The following UNC79 variants were observed in gnomAD, a reference collection of about 807,000 sequenced individuals.
UNC79 encodes the protein unc-79 subunit of NALCN channel complex, also known as protein unc-79 homolog.
In UNC79, 37 loss-of-function variants were observed where a neutral mutation model predicts 283.1. The ratio of observed to expected loss-of-function variants is 0.13; its 90% CI spans 0.10 to 0.17. The LOEUF is 0.17. Ranked by LOEUF, UNC79 falls within the 10% of genes least tolerant of loss-of-function variation. The pLI is 1.00. For missense variants in UNC79, 2,272 were observed against 3,211.1 expected, an observed-to-expected ratio of 0.71 and a Z score of 7.07; for synonymous variants, 1,107 against 1,200.2, an observed-to-expected ratio of 0.92 and a Z score of 1.61.
chr14:93,518,277 A>G (rs2060163978), intron 7 of UNC79, among the ~76,000 whole-genome samples: 1 of 151,866 alleles, frequency 6.6e-6, no homozygotes, highest in East Asian at 1.9e-4. Flanking sequence ...TGTAATTTTA[A>G]TAGTTATGGG....
At chr14:93,575,983 T>C (rs1200315107) in intron 17 of UNC79, among the ~76,000 whole-genome samples, 1 of 152,244 alleles carries the variant, frequency 6.6e-6, no homozygotes, top group African/African-American at 2.4e-5. Context: ...TTTTAAAGAA[T>C]ATCCTTACTT....
chr14:93,485,818 A>G (rs904863082), intron 4 of UNC79, among the ~76,000 whole-genome samples: 8 of 152,308 alleles, frequency 5.3e-5, no homozygotes, highest in East Asian at 1.9e-4. Context: ...ACTTAAGTAA[A>G]TGGAACTTAG....
At chr14:93,406,795 A>G (rs1007073329) in intron 1 of UNC79, among the ~76,000 whole-genome samples, 1 of 152,172 alleles carries the variant, frequency 6.6e-6, no homozygotes, top group Non-Finnish European at 1.5e-5. Context: ...TAGATCTATT[A>G]GATAATAGGG....
intron 26 of UNC79, among the ~76,000 whole-genome samples, chr14:93,604,377 C>T (rs1303773947): frequency 6.6e-6 from 1 of 152,080 alleles, no homozygotes; most frequent in Non-Finnish European, 1.5e-5. Context: ...TACATTTTCT[C>T]TATTTTATGA....
At chr14:93,363,885 A>AT (rs955570480) in intron 1 of UNC79, among the ~76,000 whole-genome samples, 42 of 151,620 alleles carry the variant, frequency 2.8e-4, no homozygotes, top group Non-Finnish European at 3.7e-4. Flanking sequence ...CACCCAGCTA[A>AT]TTTTTTTTGT....
intron 1 of UNC79, among the ~76,000 whole-genome samples, chr14:93,383,907 C>A (rs1187096844): frequency 6.6e-5 from 1 of 15,054 alleles, no homozygotes; most frequent in African/African-American, 9.2e-4. Flanking sequence ...AGTTTCCCTG[C>A]ACAAACTCTG....
At chr14:93,458,727 T>G (rs1052187978) in intron 1 of UNC79, among the ~76,000 whole-genome samples, 2 of 152,212 alleles carry the variant, frequency 1.3e-5, no homozygotes, top group Admixed American at 1.3e-4. Context: ...AATTGACATT[T>G]AAACTTTCAA....
intron 20 of UNC79, among the ~76,000 whole-genome samples, chr14:93,585,873 C>T (rs1361858870): frequency 4.3e-5 from 6 of 139,350 alleles, no homozygotes; most frequent in African/African-American, 1.0e-4. Flanking sequence ...TTGAACACCT[C>T]TCTCTCTCTC....
intron 26 of UNC79, among the ~76,000 whole-genome samples, chr14:93,605,783 G>A (rs555219419): frequency 1.3e-4 from 20 of 152,258 alleles, no homozygotes; most frequent in East Asian, 7.7e-4. Context: ...TAAAAAGGAC[G>A]TTTGAAAGAG....
intron 14 of UNC79, among the ~76,000 whole-genome samples, chr14:93,546,485 A>G (rs2061609891): frequency 6.6e-6 from 1 of 152,236 alleles, no homozygotes; most frequent in African/African-American, 2.4e-5. Context: ...GCAAATAGCT[A>G]TAATGCTATG....
chr14:93,505,513 C>T (rs1043509855), intron 7 of UNC79, among the ~76,000 whole-genome samples: 1 of 151,896 alleles, frequency 6.6e-6, no homozygotes, highest in African/African-American at 2.4e-5. Flanking sequence ...ATAACTTTTC[C>T]CATCTTTTAA....
In UNC79 at chr14:93,583,725, G is replaced by T. The variant is rs146614585; in HGVS notation, c.2803+1381G>T. Among the ~76,000 whole-genome samples, 65 of 151,992 alleles carry T rather than the reference G, an allele frequency of 4.3e-4. 4 individuals carry two copies. In the East Asian group the frequency reaches 0.013, roughly 29 times the overall value. On this transcript the variant is annotated intron_variant, in intron 20 of 48. Transcript: ENST00000555664. ...GGCAACCCCTGGGGGGAAGAGGAGG[G>T]CAAAATATAAAGACCCAGGCTCCCC... is the stretch of plus-strand genomic sequence containing the variant.
intron 1 of UNC79, among the ~76,000 whole-genome samples, chr14:93,401,712 A>G (rs2055111245): frequency 6.6e-6 from 1 of 152,242 alleles, no homozygotes; most frequent in South Asian, 2.1e-4. Flanking sequence ...CTATAGGTAC[A>G]GCCTTGAGAC....
rs564137350 is a variant in UNC79 at position 93,625,350 on chromosome 14, C to T, written c.5608+2509C>T. Among the ~76,000 whole-genome samples, 38 of 152,332 alleles carry T rather than the reference C, an allele frequency of 2.5e-4. No individual in the cohort carries two copies. The South Asian group carries it at 7.5e-3, about 30-fold the overall frequency. On this transcript the variant is annotated intron_variant, in intron 30 of 48. Transcript: ENST00000555664. ...CTTGCATTGCTGCATCATCACGAAC[C>T]CTGGCTCTTCCTCACTTGTTGACAA...
Position 93,629,604 on chromosome 14 carries a change from C to T in UNC79, c.5609-1197C>T, listed in dbSNP as rs567841209. Among the ~76,000 whole-genome samples, 24 of 152,300 alleles carry T rather than the reference C, an allele frequency of 1.6e-4. No individual in the cohort carries two copies. In the South Asian group the frequency reaches 5.0e-3, roughly 32 times the overall value. ...GAATCAAAAATAGATGCTTCGAAAT[C>T]AGTGCTCAGGAACCTTTCTCCTAGA... On this transcript the variant is annotated intron_variant, in intron 30 of 48. Transcript: ENST00000555664.
intron 14 of UNC79, among the ~76,000 whole-genome samples, chr14:93,559,543 G>A (rs1242247853): frequency 6.6e-6 from 1 of 152,122 alleles, no homozygotes; most frequent in East Asian, 1.9e-4. Context: ...GGTAGGTAGT[G>A]GAAAATTACA....
chr14:93,510,417 T>A (rs2059765441), intron 7 of UNC79, among the ~76,000 whole-genome samples: 1 of 152,256 alleles, frequency 6.6e-6, no homozygotes, highest in Non-Finnish European at 1.5e-5. Context: ...TCCAAATTTT[T>A]ATGTTCTGCT....
At chr14:93,619,000 C>G (rs541503230) in intron 29 of UNC79, among the ~76,000 whole-genome samples, 1 of 152,192 alleles carries the variant, frequency 6.6e-6, no homozygotes, top group South Asian at 2.1e-4. Flanking sequence ...GTGTAAGTCA[C>G]GGCTGACTAG....
intron 47 of UNC79, among the ~76,000 whole-genome samples, chr14:93,695,420 T>C (rs1282735162): frequency 6.6e-6 from 1 of 152,232 alleles, no homozygotes; most frequent in Non-Finnish European, 1.5e-5. Flanking sequence ...TTGGTTCAAA[T>C]GGGTTAGATA....
Sources: gnomAD v4.1 joint callset for allele counts (sites outside exome capture counted in the v4.1 genomes callset) on GRCh38, gnomAD v4.1.1 for gene constraint, MANE v1.5 for transcripts, NCBI Gene and HGNC (gene_info 2026-07-23, HGNC 2026-07-21) for gene names.